RASGRF1: variants seen among roughly 807,000 people sequenced by gnomAD.
RASGRF1 encodes the protein Ras protein specific guanine nucleotide releasing factor 1, also known as ras-specific guanine nucleotide-releasing factor 1.
A neutral mutation model predicts 138.7 loss-of-function variants in RASGRF1; 40 were observed. The ratio of observed to expected loss-of-function variants is 0.29; its 90% CI spans 0.22 to 0.38. The LOEUF (loss-of-function observed/expected upper bound fraction) is 0.38, where lower values mean the gene tolerates loss of function less well. Ranked by LOEUF, RASGRF1 falls within the 10% of genes least tolerant of loss-of-function variation. The pLI is 1.00. For synonymous variants in RASGRF1, 614 were observed against 663.2 expected (o/e 0.93, Z 1.14); for missense variants, 1,108 against 1,650.4 (o/e 0.67, Z 5.69).
At chr15:79,031,682 G>A (rs1462737671) in intron 7 of RASGRF1, among the ~76,000 whole-genome samples, 173 bp from the exon 8 acceptor site, 6 of 149,160 alleles carry the variant, frequency 4.0e-5, no homozygotes, top group Admixed American at 6.7e-5. Flanking sequence ...TGGCGAGGGC[G>A]GGGGAAAGGG....
chr15:79,060,409 G>A (rs1273427580), intron 2 of RASGRF1, among the ~76,000 whole-genome samples: 2 of 152,224 alleles, frequency 1.3e-5, no homozygotes, highest in Non-Finnish European at 2.9e-5. Context: ...TGCATATGGA[G>A]AGGTTTTTGT....
At chr15:79,081,121 C>T (rs1009037517) in intron 1 of RASGRF1, among the ~76,000 whole-genome samples, 1 of 152,238 alleles carries the variant, frequency 6.6e-6, no homozygotes, top group Non-Finnish European at 1.5e-5. Flanking sequence ...ACACTTGAAG[C>T]TTTCACGGGA....
intron 2 of RASGRF1, among the ~76,000 whole-genome samples, chr15:79,063,098 T>C (rs1430374976): frequency 6.6e-6 from 1 of 152,104 alleles, no homozygotes; most frequent in Non-Finnish European, 1.5e-5. Context: ...GTAATGTCTC[T>C]CTCTCATGTT....
rs144075433 is a variant in RASGRF1, at chr15:78,978,206, T to C, written c.3494+2414A>G. Among the ~76,000 whole-genome samples, 379 of 115,428 alleles carry C rather than the reference T, an allele frequency of 3.3e-3. 2 individuals carry two copies. Among genetic ancestry groups the C allele is most frequent in the African/African-American group, 0.013 (362 of 28,524 alleles). 75.7% of individuals were successfully genotyped at this position (115,428 alleles called of 152,430 possible). The stretch of plus-strand genomic sequence containing the variant: ...ATTGGATATTTTTTCTTCTTTTTCT[T>C]TTTCTTTTCTTTTGTTTTTTTTTTT... On this transcript the variant is annotated intron_variant, in intron 24 of 26. Transcript: ENST00000558480.
At position 79,074,850 on chromosome 15, in the gene RASGRF1, G is replaced by A. The variant is rs188481479; in HGVS notation, c.277-10324C>T. Among the ~76,000 whole-genome samples the A allele has an allele frequency of 2.6e-5, 4 of 152,284 alleles. No individual in the cohort carries two copies. The East Asian group carries it at 7.7e-4, about 29-fold the overall frequency. On this transcript the variant is annotated intron_variant, in intron 1 of 26. Coordinates refer to ENST00000558480, the MANE Select transcript of RASGRF1 (RefSeq NM_001145648.3). Reference sequence around the variant, plus strand: ...AGAGATGGGCCCAGAGCTCCACCTGGGGCCTCCACAGAGATCAAGGATGGA... The same window carrying A: ...AGAGATGGGCCCAGAGCTCCACCTGAGGCCTCCACAGAGATCAAGGATGGA...
At chr15:79,018,943 C>T (rs1180453362) in intron 11 of RASGRF1, among the ~76,000 whole-genome samples, 1 of 152,172 alleles carries the variant, frequency 6.6e-6, no homozygotes, top group Non-Finnish European at 1.5e-5. Context: ...TAGGAAGGCT[C>T]CAGGTAAGCT....
chr15:78,970,533 G>A (rs535596825), intron 26 of RASGRF1, among the ~76,000 whole-genome samples: 6 of 138,906 alleles, frequency 4.3e-5, no homozygotes, highest in Non-Finnish European at 9.1e-5. Context: ...TGAGACAGAA[G>A]AATTGATTGA....
intron 8 of RASGRF1, among the ~76,000 whole-genome samples, chr15:79,028,951 T>C (rs2057099417): frequency 6.6e-6 from 1 of 152,192 alleles, no homozygotes; most frequent in Non-Finnish European, 1.5e-5. Context: ...AGTTTCCTCA[T>C]CTACAGAATG....
chr15:79,047,004 G>A lies in RASGRF1; in HGVS notation c.625-5C>T. On this transcript the variant is annotated splice_polypyrimidine_tract_variant and splice_region_variant and intron_variant, in intron 4 of 26. Coordinates refer to ENST00000558480, the MANE Select transcript of RASGRF1 (RefSeq NM_001145648.3). ...GCCCCGCAGGAAGCTCTGCACCTGA[G>A]CAGCAAGACCGGTGGGGAGAGGCTC... 1 of 1,607,988 alleles carries A rather than the reference G, an allele frequency of 6.2e-7. No homozygotes were observed. The highest frequency in any genetic ancestry group is 2.2e-5 in the East Asian group (1 of 44,748).
At chr15:79,034,779 A>T (rs1277235582) in intron 6 of RASGRF1, among the ~76,000 whole-genome samples, 1 of 152,248 alleles carries the variant, frequency 6.6e-6, no homozygotes, top group African/African-American at 2.4e-5. Flanking sequence ...ACAGAAAAAA[A>T]TTGGAAGAAA....
intron 10 of RASGRF1, 39 bp from the exon 11 acceptor site, chr15:79,020,143 T>A (rs1220267912): frequency 1.8e-5 from 29 of 1,599,468 alleles, no homozygotes; most frequent in Non-Finnish European, 2.5e-5. Context: ...GATTGAGGGG[T>A]AGATATGCTG....
chr15:79,027,679 C>T lies in RASGRF1; in HGVS notation c.1381+62G>A. The T allele has an allele frequency of 6.6e-7, 1 of 1,519,586 alleles. No homozygotes were observed. The highest frequency in any genetic ancestry group is 1.7e-5 in the Admixed American group (1 of 57,468). 94.1% of individuals were successfully genotyped at this position (1,519,586 alleles called of 1,614,324 possible). A position where few individuals can be genotyped will look rare whatever the true frequency, so the allele number is the denominator to read the frequency against. Reference sequence around the variant, plus strand: ...AACTGGTGGCGTCCCCGAGTGCCGCCTCCCTCCCGCTGCTGGGGCCCACCT... The same window carrying T: ...AACTGGTGGCGTCCCCGAGTGCCGCTTCCCTCCCGCTGCTGGGGCCCACCT... On this transcript the variant is annotated intron_variant, in intron 9 of 26. Coordinates refer to ENST00000558480, the MANE Select transcript of RASGRF1 (RefSeq NM_001145648.3). This position sits in a 1 kb window ranked among gnomAD's most constrained non-coding sequence, Gnocchi z 4.8.
rs377717011 is a variant in RASGRF1 at position 79,029,477 on chromosome 15, G to A, written c.1263-1618C>T. On this transcript the variant is annotated intron_variant, in intron 8 of 26. Coordinates refer to ENST00000558480, the MANE Select transcript of RASGRF1 (RefSeq NM_001145648.3). Reference sequence around the variant, plus strand: ...CACATTCTAAGTTCCAGCCCCAGGTGGGGGTCTGTGTTTGGGACCCATATG... The same window carrying A: ...CACATTCTAAGTTCCAGCCCCAGGTAGGGGTCTGTGTTTGGGACCCATATG... Among the ~76,000 whole-genome samples the A allele has an allele frequency of 2.2e-4, 33 of 152,286 alleles. No individual in the cohort carries two copies. The South Asian group carries it at 3.1e-3, about 14-fold the overall frequency.
chr15:79,051,462 C>T (rs913134561), intron 3 of RASGRF1, among the ~76,000 whole-genome samples: 7 of 145,028 alleles, frequency 4.8e-5, no homozygotes, highest in South Asian at 2.1e-4. Flanking sequence ...AACACGCAAG[C>T]GTACACACAC....
chr15:78,974,552 G>A (rs2055836406), intron 24 of RASGRF1, among the ~76,000 whole-genome samples: 1 of 152,212 alleles, frequency 6.6e-6, no homozygotes, highest in Admixed American at 6.5e-5. Flanking sequence ...ACAGTTTTAG[G>A]TGGTCTCACA....
intron 1 of RASGRF1, among the ~76,000 whole-genome samples, chr15:79,070,034 T>C (rs2057734109): frequency 1.3e-5 from 2 of 152,118 alleles, no homozygotes; most frequent in African/African-American, 2.4e-5. Context: ...ACCCAGGATG[T>C]CCCCATGAGG....
intron 4 of RASGRF1, among the ~76,000 whole-genome samples, chr15:79,047,769 C>A (rs1475368469): frequency 6.6e-6 from 1 of 152,162 alleles, no homozygotes; most frequent in Non-Finnish European, 1.5e-5. Flanking sequence ...GCTGTACAGG[C>A]TTCCAATCAA....
chr15:79,068,738 T>C (rs1042264747), intron 1 of RASGRF1, among the ~76,000 whole-genome samples: 2 of 151,928 alleles, frequency 1.3e-5, no homozygotes, highest in African/African-American at 2.4e-5. Flanking sequence ...AGGCCTTGGG[T>C]TGTTCCCAAT....
intron 24 of RASGRF1, among the ~76,000 whole-genome samples, chr15:78,976,559 A>AACACACACACACAC (rs58602180): frequency 0.016 from 2,349 of 148,724 alleles, 25 homozygotes; most frequent in Non-Finnish European, 0.022. Context: ...CACTCAATCA[A>AACACACACACACAC]ACACACACAC....
Sources: gnomAD v4.1 joint callset for allele counts (sites outside exome capture counted in the v4.1 genomes callset) on GRCh38, gnomAD v4.1.1 for gene constraint, Gnocchi (gnomAD v3.1) non-coding constraint, MANE v1.5 for transcripts, NCBI Gene and HGNC (gene_info 2026-07-23, HGNC 2026-07-21) for gene names.